The following GSE1 variants were observed in gnomAD, a reference collection of about 807,000 sequenced individuals.
GSE1 encodes Gse1 coiled-coil protein.
Under a neutral mutation model 112.6 loss-of-function variants are expected in GSE1, and 32 were observed. The observed-to-expected ratio is 0.28, with a 90% CI of 0.21 to 0.38. The LOEUF (loss-of-function observed/expected upper bound fraction) is 0.38. Ranked by LOEUF, GSE1 falls within the 10% of genes least tolerant of loss-of-function variation. GSE1 has a pLI of 1.00. For synonymous variants in GSE1, 1,115 were observed against 735.6 expected (o/e 1.52, Z -8.35); for missense variants, 2,348 against 1,699.2 (o/e 1.38, Z -6.71).
At chr16:85,353,857 T>C (rs2046898803) in intron 1 of GSE1, among the ~76,000 whole-genome samples, 1 of 152,188 alleles carries the variant, frequency 6.6e-6, no homozygotes, top group Non-Finnish European at 1.5e-5. Context: ...GGGATGTGTG[T>C]TCCAACCTCC....
At chr16:85,514,204 C>G (rs980932431) in intron 2 of GSE1, among the ~76,000 whole-genome samples, 8 of 149,550 alleles carry the variant, frequency 5.3e-5, no homozygotes, top group Admixed American at 2.7e-4. Flanking sequence ...TCTTCCTCCT[C>G]TTCTGTCTCC....
intron 7 of GSE1, among the ~76,000 whole-genome samples, chr16:85,656,975 C>T (rs374617336): frequency 6.6e-6 from 1 of 152,232 alleles, no homozygotes; most frequent in Admixed American, 6.5e-5. Flanking sequence ...GTAATAACAA[C>T]CAGCTTTTGC....
At chr16:85,292,852 C>T (rs2045262602) in intron 1 of GSE1, among the ~76,000 whole-genome samples, 1 of 152,232 alleles carries the variant, frequency 6.6e-6, no homozygotes, top group Admixed American at 6.5e-5. Flanking sequence ...CAGAACATTC[C>T]ATTGTCTGTG....
Position 85,654,370 on chromosome 16 carries a change from C to G in GSE1, c.519C>G (p.Pro173=), listed in dbSNP as rs372447672. Residue 173 remains proline, a synonymous_variant, in exon 4 of 16, where the codon CCC becomes CCG. Transcript: ENST00000253458. Reference sequence around the variant, plus strand: ...AGAAGGCAGGGGGACCAGCCATCCCCTCGCACCTGCTCAGCACCCCCTACC... The same window carrying G: ...AGAAGGCAGGGGGACCAGCCATCCCGTCGCACCTGCTCAGCACCCCCTACC... The part of the protein sequence containing the change: ...PQEKAGGPAI[P]SHLLSTPYPF... 3.1e-6 allele frequency: 5 copies of G among 1,612,130 alleles called. No individual in the cohort carries two copies. Among genetic ancestry groups the G allele is most frequent in the Admixed American group, 3.3e-5 (2 of 59,982 alleles).
chr16:85,616,530 T>C (rs1346087153), intron 1 of GSE1, among the ~76,000 whole-genome samples: 1 of 152,168 alleles, frequency 6.6e-6, no homozygotes, highest in Admixed American at 6.5e-5. Context: ...AGCCTGTGAA[T>C]TGTCTCTGTT....
chr16:85,208,356 C>T (rs967929897), intron 1 of GSE1, among the ~76,000 whole-genome samples: 2 of 152,220 alleles, frequency 1.3e-5, no homozygotes, highest in African/African-American at 2.4e-5. Context: ...TCGCCCGTGG[C>T]ATCTCGGCTG....
At chr16:85,628,457 C>T (rs1465976441) in intron 1 of GSE1, among the ~76,000 whole-genome samples, 3 of 152,124 alleles carry the variant, frequency 2.0e-5, no homozygotes, top group East Asian at 1.9e-4. Context: ...AGGTTGCTGT[C>T]AGGATGCCAG....
intron 1 of GSE1, chr16:85,594,238 G>C (rs1159289492): frequency 7.3e-6 from 1 of 136,630 alleles, no homozygotes; most frequent in Admixed American, 7.1e-5. Flanking sequence ...GGGGTTGGGG[G>C]GGGGGGGCGG....
intron 1 of GSE1, among the ~76,000 whole-genome samples, chr16:85,199,370 G>A (rs988818750): frequency 6.6e-6 from 1 of 152,310 alleles, no homozygotes; most frequent in Admixed American, 6.5e-5. Context: ...ACAGGCGAGA[G>A]CCACAGTACC....
At chr16:85,254,579 A>G (rs1906865427) in intron 1 of GSE1, among the ~76,000 whole-genome samples, 1 of 152,068 alleles carries the variant, frequency 6.6e-6, no homozygotes, top group South Asian at 2.1e-4. Context: ...GGCCCTTGCC[A>G]CCCACTGGGG....
intron 2 of GSE1, among the ~76,000 whole-genome samples, chr16:85,641,093 C>T (rs1053842106): frequency 6.6e-6 from 1 of 152,236 alleles, no homozygotes; most frequent in Non-Finnish European, 1.5e-5. Context: ...CAAGGCCTCC[C>T]CTAGCCACGT....
Position 85,641,763 on chromosome 16 carries a change from G to C in GSE1, c.227-6789G>C, listed in dbSNP as rs181497851. On this transcript the variant is annotated intron_variant, in intron 2 of 15. Coordinates refer to ENST00000253458, the MANE Select transcript of GSE1 (RefSeq NM_014615.5). The stretch of plus-strand genomic sequence containing the variant: ...TCTGCTATTCCCGTTCCACTGGGCA[G>C]ATTTCAAGGAAAGTGGCTGGGGTGA... Among the ~76,000 whole-genome samples, 407 of 152,372 alleles carry C rather than the reference G, an allele frequency of 2.7e-3. 1 individual carries two copies. Among genetic ancestry groups the C allele is most frequent in the Admixed American group, 6.1e-3 (94 of 15,314 alleles).
At chr16:85,180,409 T>C (rs541629373) in intron 1 of GSE1, among the ~76,000 whole-genome samples, 5 of 152,294 alleles carry the variant, frequency 3.3e-5, no homozygotes, top group African/African-American at 1.2e-4. Context: ...GTGTCATTTG[T>C]TGGCACAGAA....
At chr16:85,180,147 C>T (rs576612551) in intron 1 of GSE1, among the ~76,000 whole-genome samples, 1 of 152,246 alleles carries the variant, frequency 6.6e-6, no homozygotes, top group African/African-American at 2.4e-5. Context: ...GCTGCCTGGC[C>T]TGTCTGGCGT....
intron 1 of GSE1, among the ~76,000 whole-genome samples, chr16:85,590,663 G>A (rs2151431881): frequency 6.6e-6 from 1 of 152,304 alleles, no homozygotes; most frequent in Middle Eastern, 3.4e-3. Context: ...GATTGAGCAT[G>A]TGTGATATGT....
chr16:85,607,219 G>A (rs748558769), upstream of GSE1, among the ~76,000 whole-genome samples: 10 of 152,180 alleles, frequency 6.6e-5, no homozygotes, highest in Non-Finnish European at 1.3e-4. Context: ...CTCTCCAGAG[G>A]TGGGGGTCAC....
chr16:85,426,074 G>GAA (rs1567477090), intron 2 of GSE1, among the ~76,000 whole-genome samples: 23 of 130,482 alleles, frequency 1.8e-4, no homozygotes, highest in Admixed American at 5.3e-4. Flanking sequence ...TGGATGGATG[G>GAA]GTAGATGGAT....
At chr16:85,402,401 A>G (rs1171461114) in intron 2 of GSE1, among the ~76,000 whole-genome samples, 1 of 152,182 alleles carries the variant, frequency 6.6e-6, no homozygotes, top group Non-Finnish European at 1.5e-5. Flanking sequence ...AAGGGAGCGC[A>G]CAGCCTCAAG....
intron 1 of GSE1, among the ~76,000 whole-genome samples, chr16:85,615,013 TCTC>T (rs1463225007): frequency 6.6e-6 from 1 of 152,086 alleles, no homozygotes; most frequent in Non-Finnish European, 1.5e-5. Context: ...CGTCTCGTCC[TCTC>T]CTCTGGGATT....
Sources: allele counts gnomAD v4.1 joint callset (sites outside exome capture counted in the v4.1 genomes callset), GRCh38; gene constraint gnomAD v4.1.1; transcripts MANE v1.5; gene names NCBI Gene and HGNC (gene_info 2026-07-23, HGNC 2026-07-21).